Variants in SHB observed in about 807,000 individuals in gnomAD.
SHB encodes SH2 domain-containing adapter protein B.
In SHB, 20 loss-of-function variants were observed where a neutral mutation model predicts 52.3. The ratio of observed to expected loss-of-function variants is 0.38; its 90% CI spans 0.27 to 0.56. The LOEUF (loss-of-function observed/expected upper bound fraction) is 0.56. Ranked by LOEUF, SHB falls within the 20% of genes least tolerant of loss-of-function variation. The pLI, the probability that SHB is intolerant of heterozygous loss-of-function variation, is 0.71. For synonymous variants in SHB, 397 were observed against 316.5 expected, an observed-to-expected ratio of 1.25 and a Z score of -2.70; for missense variants, 825 against 723.3, an observed-to-expected ratio of 1.14 and a Z score of -1.61.
At chr9:38,012,592 G>A (rs928677965) in intron 2 of SHB, among the ~76,000 whole-genome samples, 5 of 151,848 alleles carry the variant, frequency 3.3e-5, no homozygotes, top group South Asian at 2.1e-4. Flanking sequence ...AGCCCAAAGC[G>A]GCTAGAAGCA....
chr9:37,948,520 T>C (rs904021395), intron 5 of SHB, 115 bp downstream of exon 5: 1 of 1,267,388 alleles, frequency 7.9e-7, no homozygotes, highest in Admixed American at 1.8e-5. Flanking sequence ...TAAAATAACG[T>C]GTGCTGGCAA....
intron 5 of SHB, among the ~76,000 whole-genome samples, chr9:37,925,326 A>G (rs1175406665): frequency 6.6e-6 from 1 of 152,268 alleles, no homozygotes; most frequent in Non-Finnish European, 1.5e-5. Flanking sequence ...TTCTCCAGTC[A>G]GCAACAGTCC....
intron 1 of SHB, among the ~76,000 whole-genome samples, chr9:38,048,167 T>C (rs528942589): frequency 4.7e-4 from 72 of 152,318 alleles, no homozygotes; most frequent in Non-Finnish European, 8.8e-4. Context: ...AAATTTCCAA[T>C]AGTAATTAAA....
At chr9:38,028,598 A>T (rs560712883) in intron 1 of SHB, among the ~76,000 whole-genome samples, 34 of 152,340 alleles carry the variant, frequency 2.2e-4, no homozygotes, top group African/African-American at 7.7e-4. Flanking sequence ...CTCCAGCCAG[A>T]AGGCCTGTGG....
At chr9:37,943,426 C>T (rs999757128) in intron 5 of SHB, among the ~76,000 whole-genome samples, 2 of 152,188 alleles carry the variant, frequency 1.3e-5, no homozygotes, top group African/African-American at 4.8e-5. Flanking sequence ...AGCTCATTGG[C>T]TGGGCTGGAG....
chr9:37,921,094 C>T (rs1832174542), intron 5 of SHB, among the ~76,000 whole-genome samples: 1 of 152,176 alleles, frequency 6.6e-6, no homozygotes, highest in Non-Finnish European at 1.5e-5. Context: ...CCACTCAGTT[C>T]CACGCCTTTT....
At chr9:38,002,516 G>C (rs747217546) in intron 2 of SHB, among the ~76,000 whole-genome samples, 1 of 152,188 alleles carries the variant, frequency 6.6e-6, no homozygotes, top group Admixed American at 6.5e-5. Context: ...ACATAAGAAG[G>C]CATCCTAGTG....
chr9:37,976,558 TGAA>T (rs1820658174), intron 2 of SHB, among the ~76,000 whole-genome samples: 1 of 152,210 alleles, frequency 6.6e-6, no homozygotes, highest in South Asian at 2.1e-4. Flanking sequence ...AGGCACATCC[TGAA>T]CAATGTGGAA....
chr9:37,972,857 G>T (rs1481563538), intron 3 of SHB, among the ~76,000 whole-genome samples: 1 of 152,202 alleles, frequency 6.6e-6, no homozygotes, highest in African/African-American at 2.4e-5. Flanking sequence ...GGTTAGAAAG[G>T]TAGAAAGGGT....
Position 37,958,339 on chromosome 9 carries a change from C to T in SHB, c.1055-2285G>A, listed in dbSNP as rs148721328. On this transcript the variant is annotated intron_variant, in intron 3 of 5. Transcript: ENST00000377707. ...CTACGGGTGACCACAGGCTGAAGTG[C>T]AGCATCAGAGAAGGACGACTACTGG... 2.0e-3 allele frequency among the ~76,000 whole-genome samples: 300 copies of T among 152,256 alleles called. 2 individuals carry two copies. The highest frequency in any genetic ancestry group is 0.011 in the South Asian group (51 of 4,828).
chr9:37,936,471 T>C (rs1362411208), intron 5 of SHB, among the ~76,000 whole-genome samples: 7 of 152,192 alleles, frequency 4.6e-5, no homozygotes, highest in Admixed American at 4.6e-4. Flanking sequence ...ATTTTGCATG[T>C]TGTGATTACT....
At chr9:38,043,508 A>G (rs1327070903) in intron 1 of SHB, among the ~76,000 whole-genome samples, 1 of 152,192 alleles carries the variant, frequency 6.6e-6, no homozygotes, top group Non-Finnish European at 1.5e-5. Flanking sequence ...GATGGGAGAG[A>G]AACGCAAGGT....
At chr9:37,962,479 G>A (rs1160887495) in intron 3 of SHB, among the ~76,000 whole-genome samples, 1 of 151,446 alleles carries the variant, frequency 6.6e-6, no homozygotes, top group Non-Finnish European at 1.5e-5. Flanking sequence ...AGTGATTTTG[G>A]GAACAGTTTT....
chr9:38,062,471 T>G (rs1821907558), intron 1 of SHB, among the ~76,000 whole-genome samples: 1 of 152,226 alleles, frequency 6.6e-6, no homozygotes, highest in South Asian at 2.1e-4. Context: ...AGGGTCACCA[T>G]GCCAGTTTCC....
intron 5 of SHB, among the ~76,000 whole-genome samples, chr9:37,943,488 G>C (rs887337805): frequency 3.9e-5 from 6 of 152,202 alleles, no homozygotes; most frequent in Non-Finnish European, 8.8e-5. Context: ...CCAGACCCCA[G>C]AGGTGTCTCC....
At chr9:38,004,734 G>A (rs111874067) in intron 2 of SHB, among the ~76,000 whole-genome samples, 30 of 152,294 alleles carry the variant, frequency 2.0e-4, no homozygotes, top group African/African-American at 5.3e-4. Context: ...CTGGGGGCAC[G>A]GGCACATGAG....
intron 1 of SHB, among the ~76,000 whole-genome samples, chr9:38,025,826 T>TC (rs1253918251): frequency 6.6e-6 from 1 of 151,982 alleles, no homozygotes; most frequent in Non-Finnish European, 1.5e-5. Flanking sequence ...ACTATCCCCC[T>TC]CCCCATGTTG....
intron 1 of SHB, among the ~76,000 whole-genome samples, chr9:38,057,809 C>T (rs1455135725): frequency 6.6e-6 from 1 of 152,220 alleles, no homozygotes; most frequent in East Asian, 1.9e-4. Context: ...CTCCCCATAG[C>T]CCATGTACCA....
intron 1 of SHB, among the ~76,000 whole-genome samples, chr9:38,056,737 A>T (rs1259290357): frequency 6.6e-6 from 1 of 152,262 alleles, no homozygotes; most frequent in African/African-American, 2.4e-5. Context: ...TATAGAACCA[A>T]AAGGCAAATT....
Sources: gnomAD v4.1 joint callset for allele counts (sites outside exome capture counted in the v4.1 genomes callset) on GRCh38, gnomAD v4.1.1 for gene constraint, MANE v1.5 for transcripts, NCBI Gene and HGNC (gene_info 2026-07-23, HGNC 2026-07-21) for gene names.